The following CADM2 variants were observed in gnomAD, a reference collection of about 807,000 sequenced individuals.
CADM2 encodes the protein immunoglobulin superfamily member 4D.
In CADM2, 12 loss-of-function variants were observed where a neutral mutation model predicts 49.8. The observed-to-expected ratio is 0.24, with a 90% CI of 0.15 to 0.39. The LOEUF (loss-of-function observed/expected upper bound fraction) is 0.39. CADM2 is among the 10% of genes least tolerant of loss of function. The probability of loss-of-function intolerance (pLI) is 1.00; values close to 1 mark genes in which losing one functional copy is unlikely to be tolerated. For missense variants in CADM2, 378 were observed against 492.3 expected (o/e 0.77, Z 2.20); for synonymous variants, 214 against 175.4 (o/e 1.22, Z -1.74).
intron 1 of CADM2, among the ~76,000 whole-genome samples, chr3:85,363,207 G>A (rs965357899): frequency 1.3e-5 from 2 of 152,128 alleles, no homozygotes; most frequent in Non-Finnish European, 2.9e-5. Flanking sequence ...CATTCTCCTT[G>A]TATAGAGTTT....
intron 1 of CADM2, among the ~76,000 whole-genome samples, chr3:85,033,682 GAA>G (rs971798102): frequency 3.3e-5 from 5 of 152,260 alleles, no homozygotes; most frequent in African/African-American, 1.2e-4. Context: ...GCAAGGGAAA[GAA>G]TGACAGTTTG....
intron 1 of CADM2, among the ~76,000 whole-genome samples, chr3:85,391,537 A>C (rs2107397943): frequency 6.6e-6 from 1 of 152,176 alleles, no homozygotes; most frequent in South Asian, 2.1e-4. Flanking sequence ...CTCATATGTA[A>C]ATTGCAAACT....
At chr3:85,894,261 A>C (rs1714897372) in intron 5 of CADM2, among the ~76,000 whole-genome samples, 1 of 152,028 alleles carries the variant, frequency 6.6e-6, no homozygotes, top group South Asian at 2.1e-4. Context: ...AAAACCAAAC[A>C]CCGCATGTTC....
chr3:86,065,522 C>A, intron 8 of CADM2, 83 bp from the exon 9 acceptor site: 1 of 1,403,292 alleles, frequency 7.1e-7, no homozygotes, highest in Non-Finnish European at 9.6e-7. Flanking sequence ...TGTTAATTTT[C>A]AAAATAACTC....
At chr3:85,838,865 T>C (rs1053717909) in intron 3 of CADM2, among the ~76,000 whole-genome samples, 2 of 151,818 alleles carry the variant, frequency 1.3e-5, no homozygotes, top group African/African-American at 2.4e-5. Context: ...TAAAGGTTTA[T>C]TGTCCTTAAG....
intron 1 of CADM2, among the ~76,000 whole-genome samples, chr3:85,418,332 G>A (rs1232870497): frequency 6.6e-6 from 1 of 151,962 alleles, no homozygotes; most frequent in African/African-American, 2.4e-5. Flanking sequence ...AGATATAACA[G>A]CTATATCACA....
intron 8 of CADM2, among the ~76,000 whole-genome samples, chr3:86,046,070 CA>C (rs1736642797): frequency 6.6e-6 from 1 of 152,070 alleles, no homozygotes; most frequent in East Asian, 1.9e-4. Context: ...TGAGATTGAA[CA>C]AAATGTAGCT....
At chr3:85,590,447 T>C (rs1424025148) in intron 1 of CADM2, among the ~76,000 whole-genome samples, 3 of 151,954 alleles carry the variant, frequency 2.0e-5, no homozygotes. Context: ...TTAGGACAGG[T>C]AAATGCACTA....
intron 1 of CADM2, among the ~76,000 whole-genome samples, chr3:85,417,127 A>G (rs2035953648): frequency 6.6e-6 from 1 of 152,258 alleles, no homozygotes; most frequent in Admixed American, 6.5e-5. Flanking sequence ...AGTAAGGATT[A>G]AAAAAAGGTA....
chr3:85,489,442 A>G (rs1263199212), intron 1 of CADM2, among the ~76,000 whole-genome samples: 3 of 152,128 alleles, frequency 2.0e-5, no homozygotes, highest in Non-Finnish European at 2.9e-5. Flanking sequence ...CATTTAATAT[A>G]TTTATAAGTT....
intron 1 of CADM2, among the ~76,000 whole-genome samples, chr3:85,318,192 GA>G (rs1184801370): frequency 1.3e-5 from 2 of 150,024 alleles, no homozygotes; most frequent in East Asian, 1.9e-4. Flanking sequence ...AAGAAAAAAA[GA>G]AAAAAATATA....
chr3:86,008,485 A>G (rs1731070811), intron 8 of CADM2, among the ~76,000 whole-genome samples: 1 of 152,114 alleles, frequency 6.6e-6, no homozygotes, highest in South Asian at 2.1e-4. Context: ...TGTGCATTTT[A>G]TTTTGTTTAT....
At chr3:85,237,505 T>G (rs561173468) in intron 1 of CADM2, among the ~76,000 whole-genome samples, 1 of 151,564 alleles carries the variant, frequency 6.6e-6, no homozygotes, top group South Asian at 2.1e-4. Context: ...AAAAACTTGA[T>G]AAGTTTTTTA....
intron 1 of CADM2, among the ~76,000 whole-genome samples, chr3:85,462,200 A>G (rs1303329579): frequency 6.6e-6 from 1 of 152,174 alleles, no homozygotes; most frequent in East Asian, 1.9e-4. Flanking sequence ...GACTTGCTCC[A>G]GTTGTCAAGC....
intron 8 of CADM2, among the ~76,000 whole-genome samples, chr3:86,022,149 A>G (rs577888816): frequency 1.4e-4 from 22 of 152,282 alleles, no homozygotes; most frequent in East Asian, 3.9e-4. Context: ...TATTTTTGAG[A>G]GAATGAATCT....
chr3:85,329,281 A>G (rs1480590177), intron 1 of CADM2, among the ~76,000 whole-genome samples: 2 of 152,088 alleles, frequency 1.3e-5, no homozygotes, highest in Admixed American at 6.6e-5. Flanking sequence ...TTAAGCCTGT[A>G]ATCCCAGCAC....
intron 7 of CADM2, among the ~76,000 whole-genome samples, chr3:85,952,596 G>A (rs1327300147): frequency 6.6e-6 from 1 of 150,692 alleles, no homozygotes; most frequent in Admixed American, 6.6e-5. Flanking sequence ...TTGCTTTGTT[G>A]GTTAGTCTTT....
At chr3:85,986,970 A>G (rs1268178321) in intron 8 of CADM2, among the ~76,000 whole-genome samples, 2 of 152,090 alleles carry the variant, frequency 1.3e-5, no homozygotes, top group Admixed American at 6.6e-5. Flanking sequence ...ATCGAGTGCT[A>G]AAGTTTTTAT....
chr3:85,305,373 T>C (rs571376405), intron 1 of CADM2, among the ~76,000 whole-genome samples: 1 of 151,820 alleles, frequency 6.6e-6, no homozygotes, highest in Admixed American at 6.6e-5. Flanking sequence ...TTAACTTTGA[T>C]ATCTATGAAT....
Sources: gnomAD v4.1 joint callset for allele counts (sites outside exome capture counted in the v4.1 genomes callset) on GRCh38, gnomAD v4.1.1 for gene constraint, MANE v1.5 for transcripts, NCBI Gene and HGNC (gene_info 2026-07-23, HGNC 2026-07-21) for gene names.